The following SYBU variants were observed in gnomAD, a reference collection of about 807,000 sequenced individuals.
The protein encoded by SYBU is syntabulin.
A neutral mutation model predicts 35.9 loss-of-function variants in SYBU; 21 were observed. That is an observed-to-expected ratio of 0.58 (90% CI 0.41 to 0.84). SYBU has a LOEUF of 0.84. Ranked by LOEUF, SYBU falls within the 40% of genes least tolerant of loss-of-function variation. The probability of loss-of-function intolerance (pLI) is 0.00; values close to 1 mark genes in which losing one functional copy is unlikely to be tolerated. For synonymous variants in SYBU, 319 were observed against 324.3 expected (o/e 0.98, Z 0.18); for missense variants, 768 against 848.2 (o/e 0.91, Z 1.17).
At chr8:109,644,557 G>T in intron 1 of SYBU, 79 bp downstream of exon 1, 1 of 1,473,828 alleles carries the variant, frequency 6.8e-7, no homozygotes, top group Non-Finnish European at 9.2e-7. Flanking sequence ...CACCCCTCCA[G>T]CTCTCATCCC....
chr8:109,664,337 G>C (rs1051669434), intron 1 of SYBU, among the ~76,000 whole-genome samples: 1 of 152,042 alleles, frequency 6.6e-6, no homozygotes, highest in African/African-American at 2.4e-5. Flanking sequence ...ATAGAAGAAT[G>C]AGAGTGTTTT....
At chr8:109,654,281 C>T (rs1816270879) in intron 1 of SYBU, among the ~76,000 whole-genome samples, 1 of 152,218 alleles carries the variant, frequency 6.6e-6, no homozygotes, top group Non-Finnish European at 1.5e-5. Flanking sequence ...CACTCATGTA[C>T]TCACAGCTCT....
At chr8:109,633,713 C>T (rs1486457297) in intron 2 of SYBU, among the ~76,000 whole-genome samples, 1 of 151,946 alleles carries the variant, frequency 6.6e-6, no homozygotes, top group Non-Finnish European at 1.5e-5. Context: ...GAAAATGTGG[C>T]CTGTACTAAT....
chr8:109,679,043 C>G (rs1050052662), intron 1 of SYBU, among the ~76,000 whole-genome samples: 1 of 152,176 alleles, frequency 6.6e-6, no homozygotes, highest in African/African-American at 2.4e-5. Context: ...GGTAAAGAAG[C>G]TGGCCTAAAC....
intron 3 of SYBU, among the ~76,000 whole-genome samples, chr8:109,617,109 C>T (rs534220087): frequency 6.6e-6 from 1 of 151,300 alleles, no homozygotes; most frequent in East Asian, 2.0e-4. Context: ...GCACTCCAGT[C>T]TGGGCGACAG....
At chr8:109,649,174 G>A (rs571200242), upstream of SYBU, among the ~76,000 whole-genome samples, 4 of 151,132 alleles carry the variant, frequency 2.6e-5, no homozygotes, top group East Asian at 2.0e-4. Flanking sequence ...GCTAATTTTC[G>A]TTATTTTAAG....
chr8:109,648,532 A>T (rs1815949722), upstream of SYBU, among the ~76,000 whole-genome samples: 1 of 152,028 alleles, frequency 6.6e-6, no homozygotes, highest in Admixed American at 6.6e-5. Context: ...CTGAGACCAG[A>T]TAACTGAAAA....
At chr8:109,677,971 C>A (rs1008256717) in intron 1 of SYBU, among the ~76,000 whole-genome samples, 12 of 151,690 alleles carry the variant, frequency 7.9e-5, no homozygotes, top group Admixed American at 6.6e-4. Flanking sequence ...CCCATCTCTA[C>A]TAAAAAGACA....
chr8:109,574,742 C>G lies in SYBU; in HGVS notation c.*164G>C. The G allele has an allele frequency of 1.5e-6, 1 of 675,056 alleles. No individual in the cohort carries two copies. Among genetic ancestry groups the G allele is most frequent in the Non-Finnish European group, 2.2e-6 (1 of 447,558 alleles). 41.8% of individuals were successfully genotyped at this position (675,056 alleles called of 1,614,324 possible). On this transcript the variant is annotated 3_prime_UTR_variant, in exon 7 of 7. Transcript: ENST00000276646. Reference sequence around the variant, plus strand: ...CAGGTCTCCATGCCTTTGAAGATACCTCCGGTTTTAAACAGTGAACAGGCT... The same window carrying G: ...CAGGTCTCCATGCCTTTGAAGATACGTCCGGTTTTAAACAGTGAACAGGCT...
rs762125712 is a variant in SYBU at position 109,668,177 on chromosome 8, A to AG, written c.-129+12533dup. Among the ~76,000 whole-genome samples the AG allele has an allele frequency of 5.9e-4, 84 of 143,352 alleles. 3 individuals are homozygous for AG. The highest frequency in any genetic ancestry group is 2.0e-3 in the African/African-American group (76 of 37,554). 94.0% of individuals were successfully genotyped at this position (143,352 alleles called of 152,430 possible). ...GAGGGGGAGAGGGGGAGAGAGAGAG[A>AG]GAGAGAGAGAGAGAGAGAGAGAGAG... On this transcript the variant is annotated intron_variant, in intron 1 of 5. Transcript: ENST00000408889.
chr8:109,623,875 AAAAT>A (rs1477663597), intron 2 of SYBU, among the ~76,000 whole-genome samples: 3 of 152,200 alleles, frequency 2.0e-5, no homozygotes, highest in African/African-American at 7.2e-5. Flanking sequence ...AGTAAAGAAT[AAAAT>A]AAAGACATAC....
intron 3 of SYBU, among the ~76,000 whole-genome samples, chr8:109,589,673 C>A (rs1020759330): frequency 3.3e-5 from 5 of 152,116 alleles, no homozygotes; most frequent in African/African-American, 4.8e-5. Context: ...GCGTTCTGTG[C>A]ATGTATGCTA....
At position 109,623,021 on chromosome 8, in the gene SYBU, G is replaced by A. The variant is rs191631033; in HGVS notation, c.230-3982C>T. Among the ~76,000 whole-genome samples, 13 of 138,324 alleles carry A rather than the reference G, an allele frequency of 9.4e-5. No individual in the cohort carries two copies. The East Asian group carries it at 2.0e-3, about 22-fold the overall frequency. 90.7% of individuals were successfully genotyped at this position (138,324 alleles called of 152,430 possible). ...AGAGAGGAATTTACATCACAGGAGC[G>A]TGCGCGCGCGCACACACACACACAC... On this transcript the variant is annotated intron_variant, in intron 2 of 6. Coordinates refer to ENST00000276646, the MANE Select transcript of SYBU (RefSeq NM_001099754.2).
chr8:109,650,683 T>G (rs1010813014), intron 1 of SYBU, among the ~76,000 whole-genome samples: 2 of 152,250 alleles, frequency 1.3e-5, no homozygotes, highest in African/African-American at 4.8e-5. Flanking sequence ...TCTAACGCAC[T>G]GCAGAAGAAT....
At chr8:109,602,472 C>T (rs1245452513) in intron 3 of SYBU, among the ~76,000 whole-genome samples, 4 of 143,578 alleles carry the variant, frequency 2.8e-5, no homozygotes, top group East Asian at 2.0e-4. Context: ...TCACTCCCAT[C>T]GTCCAGGCTG....
At chr8:109,671,366 G>A (rs573498242) in intron 1 of SYBU, among the ~76,000 whole-genome samples, 12 of 152,162 alleles carry the variant, frequency 7.9e-5, no homozygotes, top group African/African-American at 2.7e-4. Flanking sequence ...CACACATGGG[G>A]CATTTTCTCA....
chr8:109,583,299 C>T (rs901354949), intron 4 of SYBU, among the ~76,000 whole-genome samples: 3 of 152,198 alleles, frequency 2.0e-5, no homozygotes. Flanking sequence ...TGGGGTCATA[C>T]ACCTGATAAA....
chr8:109,644,676 G>C lies in SYBU; in HGVS notation c.-17C>G. On this transcript the variant is annotated 5_prime_UTR_variant, in exon 1 of 7. Transcript: ENST00000276646. ...GGGCCCCATCGCGCCGCTGCCCGCCGGCTCCTCGCGCCGCCGCTGCCGCCG... is the reference window on the plus strand; with the variant it reads ...GGGCCCCATCGCGCCGCTGCCCGCCCGCTCCTCGCGCCGCCGCTGCCGCCG... 2 of 1,512,842 alleles carry C rather than the reference G, an allele frequency of 1.3e-6. No homozygotes were observed. The highest frequency in any genetic ancestry group is 1.8e-6 in the Non-Finnish European group (2 of 1,137,906). The allele number at this position is 1,512,842 out of a possible 1,614,324, so 93.7% of individuals were successfully genotyped here. A position where few individuals can be genotyped will look rare whatever the true frequency, so the allele number is the denominator to read the frequency against.
intron 2 of SYBU, among the ~76,000 whole-genome samples, chr8:109,630,762 C>T (rs1420783837): frequency 6.6e-6 from 1 of 152,142 alleles, no homozygotes; most frequent in African/African-American, 2.4e-5. Context: ...ACAAATTAAA[C>T]ATGACCTTGG....
Sources: gnomAD v4.1 joint callset for allele counts (sites outside exome capture counted in the v4.1 genomes callset) on GRCh38, gnomAD v4.1.1 for gene constraint, MANE v1.5 for transcripts, NCBI Gene and HGNC (gene_info 2026-07-23, HGNC 2026-07-21) for gene names.